CTDSPL: variants seen among roughly 807,000 people sequenced by gnomAD.
CTDSPL encodes the protein CTD small phosphatase-like protein.
Under a neutral mutation model 30.5 loss-of-function variants are expected in CTDSPL, and 8 were observed. The observed-to-expected ratio is 0.26, with a 90% CI of 0.15 to 0.47. The LOEUF is 0.47. Among genes scored for constraint, CTDSPL ranks in the 20% least tolerant of loss-of-function variants. The pLI, the probability that CTDSPL is intolerant of heterozygous loss-of-function variation, is 0.99. For synonymous variants in CTDSPL, 110 were observed against 137.9 expected, an observed-to-expected ratio of 0.80 and a Z score of 1.42; for missense variants, 248 against 366.1, an observed-to-expected ratio of 0.68 and a Z score of 2.63.
chr3:37,907,893 C>T (rs1260540962), intron 1 of CTDSPL, among the ~76,000 whole-genome samples: 1 of 152,180 alleles, frequency 6.6e-6, no homozygotes, highest in South Asian at 2.1e-4. Context: ...TGTATACATA[C>T]AGCGCATTTG....
Position 37,982,237 on chromosome 3 carries a change from G to GC in CTDSPL, c.*1372dup. ...CCTTTGAAGCACAGCCTATTTCTGA[G>GC]CCAAGGGTTGGGGAAGCCTGTCTAG... On this transcript the variant is annotated 3_prime_UTR_variant, in exon 8 of 8. Coordinates refer to ENST00000273179, the MANE Select transcript of CTDSPL (RefSeq NM_001008392.2). 3.2e-6 allele frequency: 1 copy of GC among 313,820 alleles called. No homozygotes were observed. The highest frequency in any genetic ancestry group is 8.3e-5 in the East Asian group (1 of 12,036). The allele number at this position is 313,820 out of a possible 1,614,324, so 19.4% of individuals were successfully genotyped here.
intron 1 of CTDSPL, among the ~76,000 whole-genome samples, chr3:37,909,931 A>G (rs996749796): frequency 2.6e-5 from 4 of 152,188 alleles, no homozygotes; most frequent in Non-Finnish European, 5.9e-5. Context: ...TCCTGTTCTC[A>G]CATTCTAGGA....
intron 1 of CTDSPL, among the ~76,000 whole-genome samples, chr3:37,888,789 A>C (rs2300665): frequency 6.6e-6 from 1 of 152,166 alleles, no homozygotes; most frequent in South Asian, 2.1e-4. Flanking sequence ...TTGTTGCCCA[A>C]CCTTTTTGGA....
At chr3:37,960,501 AAAAAATAT>A (rs1374002730) in intron 3 of CTDSPL, among the ~76,000 whole-genome samples, 2 of 60,646 alleles carry the variant, frequency 3.3e-5, no homozygotes, top group East Asian at 7.6e-4. Flanking sequence ...AAAAAAAAAA[AAAAAATAT>A]ATATATATAT....
At position 37,957,096 on chromosome 3, in the gene CTDSPL, T is replaced by A; in HGVS notation, c.235-15T>A. On this transcript the variant is annotated splice_polypyrimidine_tract_variant and intron_variant, in intron 2 of 7. Transcript: ENST00000273179. ...CTTCGAACCTGACAATGATTTTTTT[T>A]TTCTTTTTCCTCAGGGTGACCAGAG... 1 of 1,599,020 alleles carries A rather than the reference T, an allele frequency of 6.3e-7. No individual in the cohort carries two copies. The highest frequency in any genetic ancestry group is 8.5e-7 in the Non-Finnish European group (1 of 1,171,196).
intron 2 of CTDSPL, among the ~76,000 whole-genome samples, chr3:37,948,804 C>CTTTTTTTTTTTTTTTTTTTTT (rs1559641745): frequency 7.4e-6 from 1 of 135,904 alleles, no homozygotes; most frequent in African/African-American, 3.1e-5. Context: ...CATTTTCCAG[C>CTTTTTTTTTTTTTTTTTTTTT]TTTCTTTTTT....
In CTDSPL at chr3:37,967,888, A is replaced by C. The variant is rs1575322092; in HGVS notation, c.426+6A>C. On this transcript the variant is annotated splice_donor_region_variant and intron_variant, in intron 5 of 7. Transcript: ENST00000273179. ...TCGATGGAACTATACATCAGGTAAG[A>C]AACTGAAGCTAAATTTGAGTTTCAA... 1 of 1,582,374 alleles carries C rather than the reference A, an allele frequency of 6.3e-7. No individual in the cohort carries two copies. Among genetic ancestry groups the C allele is most frequent in the East Asian group, 2.3e-5 (1 of 44,426 alleles).
Position 37,862,851 on chromosome 3 carries a change from T to G in CTDSPL, c.79+573T>G, listed in dbSNP as rs540290397. ...CTATGCCTGTTCACTCCTGACAGAG[T>G]TTGTGAGTGTGTATGATTGTGTGAC... On this transcript the variant is annotated intron_variant, in intron 1 of 7. Coordinates refer to ENST00000273179, the MANE Select transcript of CTDSPL (RefSeq NM_001008392.2). The surrounding 1 kb of genome is among the most constrained non-coding windows in gnomAD (Gnocchi z 4.3). 7.9e-5 allele frequency among the ~76,000 whole-genome samples: 12 copies of G among 152,144 alleles called. No homozygotes were observed. The highest frequency in any genetic ancestry group is 2.9e-4 in the African/African-American group (12 of 41,504).
chr3:37,974,047 AT>A (rs369309155), intron 6 of CTDSPL, among the ~76,000 whole-genome samples: 1 of 152,248 alleles, frequency 6.6e-6, no homozygotes, highest in Non-Finnish European at 1.5e-5. Context: ...ACGTTAGGAG[AT>A]TTTTTTTAAA....
At chr3:37,899,905 C>G (rs1390262190) in intron 1 of CTDSPL, among the ~76,000 whole-genome samples, 1 of 152,160 alleles carries the variant, frequency 6.6e-6, no homozygotes, top group Non-Finnish European at 1.5e-5. Flanking sequence ...GTTTCCTCAT[C>G]TGTAAAATGG....
chr3:37,973,869 C>G (rs543234429), intron 6 of CTDSPL, among the ~76,000 whole-genome samples: 13 of 152,382 alleles, frequency 8.5e-5, no homozygotes, highest in African/African-American at 3.1e-4. Flanking sequence ...AGGCCTCAGA[C>G]TCAGACACTC....
chr3:37,903,328 T>C (rs1457728639), intron 1 of CTDSPL, among the ~76,000 whole-genome samples: 2 of 152,244 alleles, frequency 1.3e-5, no homozygotes, highest in Non-Finnish European at 2.9e-5. Flanking sequence ...GGAATATGTA[T>C]GCACATACTT....
chr3:37,928,794 C>T lies in CTDSPL; in HGVS notation c.80-18263C>T, dbSNP rs147426492. The stretch of plus-strand genomic sequence containing the variant: ...AGCTATTTAGTTTGATGTAGTGCCA[C>T]TTGTCTATTTTTGCCTTCATTACCT... On this transcript the variant is annotated intron_variant, in intron 1 of 7. Coordinates refer to ENST00000273179, the MANE Select transcript of CTDSPL (RefSeq NM_001008392.2). Among the ~76,000 whole-genome samples, 8 of 152,282 alleles carry T rather than the reference C, an allele frequency of 5.3e-5. No homozygotes were observed. The East Asian group carries it at 1.2e-3, about 22-fold the overall frequency.
At chr3:37,905,737 T>C (rs1400338622) in intron 1 of CTDSPL, among the ~76,000 whole-genome samples, 3 of 152,236 alleles carry the variant, frequency 2.0e-5, no homozygotes, top group Non-Finnish European at 4.4e-5. Flanking sequence ...TTGGCTCCCA[T>C]GTCCAAGGTG....
chr3:37,873,925 G>A (rs1467044831), intron 1 of CTDSPL, among the ~76,000 whole-genome samples: 1 of 152,228 alleles, frequency 6.6e-6, no homozygotes, highest in Admixed American at 6.5e-5. Context: ...AAGTTCATGA[G>A]TGTCCTAACT....
At chr3:37,971,520 CCACACTCCCAGCCT>C in intron 6 of CTDSPL, 21 bp downstream of exon 6, 1 of 1,607,022 alleles carries the variant, frequency 6.2e-7, no homozygotes, top group Non-Finnish European at 8.5e-7. Flanking sequence ...CTTCCCAGCC[CCACACTCCCAGCCT>C]GGTACTCCCA....
At chr3:37,980,363 G>C (rs1324377736) in intron 7 of CTDSPL, among the ~76,000 whole-genome samples, 1 of 152,220 alleles carries the variant, frequency 6.6e-6, no homozygotes, top group Non-Finnish European at 1.5e-5. Flanking sequence ...TGGCTTGTAA[G>C]CTCTGGCTCC....
intron 3 of CTDSPL, among the ~76,000 whole-genome samples, chr3:37,958,806 T>G (rs1398595490): frequency 1.3e-5 from 2 of 152,206 alleles, no homozygotes; most frequent in Non-Finnish European, 2.9e-5. Flanking sequence ...CTAAAGGAAC[T>G]TGCACTTTTG....
At chr3:37,890,585 G>GCC (rs1468821654) in intron 1 of CTDSPL, among the ~76,000 whole-genome samples, 1 of 152,140 alleles carries the variant, frequency 6.6e-6, no homozygotes, top group Non-Finnish European at 1.5e-5. Flanking sequence ...TGATAAAAAA[G>GCC]TAAAAGTTAA....
Sources: gnomAD v4.1 joint callset for allele counts (sites outside exome capture counted in the v4.1 genomes callset) on GRCh38, gnomAD v4.1.1 for gene constraint, Gnocchi (gnomAD v3.1) non-coding constraint, MANE v1.5 for transcripts, NCBI Gene and HGNC (gene_info 2026-07-23, HGNC 2026-07-21) for gene names.